The following CD58 variants were observed in gnomAD, a reference collection of about 807,000 sequenced individuals.
The protein encoded by CD58 is CD58 molecule, also known as lymphocyte function-associated antigen 3.
In CD58, 14 loss-of-function variants were observed where a neutral mutation model predicts 27.6. The observed-to-expected ratio is 0.51, with a 90% CI of 0.34 to 0.79. The LOEUF (loss-of-function observed/expected upper bound fraction) is 0.79. Ranked by LOEUF, CD58 falls within the 30% of genes least tolerant of loss-of-function variation. The probability of loss-of-function intolerance (pLI) is 0.02; values close to 1 mark genes in which losing one functional copy is unlikely to be tolerated. For missense variants in CD58, 268 were observed against 301.7 expected (o/e 0.89, Z 0.83); for synonymous variants, 117 against 103.8 (o/e 1.13, Z -0.77).
rs1659092245 is a variant in CD58 at position 116,570,189 on chromosome 1, G to A, written c.70+714C>T. ...GTGGAGGGTGAAGGAGGATGGGGAG[G>A]CAAAATGGGAAGAAGGGGACCTATT... On this transcript the variant is annotated intron_variant, in intron 1 of 5. Coordinates refer to ENST00000369489, the MANE Select transcript of CD58 (RefSeq NM_001779.3). The surrounding 1 kb of genome is among the most constrained non-coding windows in gnomAD (Gnocchi z 6.4). 6.6e-6 allele frequency among the ~76,000 whole-genome samples: 1 copy of A among 152,218 alleles called. No homozygotes were observed. Among genetic ancestry groups the A allele is most frequent in the African/African-American group, 2.4e-5 (1 of 41,460 alleles).
rs1196789204 is a variant in CD58, at chr1:116,517,866, C to T, written c.743+1365G>A. Among the ~76,000 whole-genome samples the T allele has an allele frequency of 1.3e-5, 2 of 152,208 alleles. No individual in the cohort carries two copies. The highest frequency in any genetic ancestry group is 2.4e-5 in the African/African-American group (1 of 41,468). ...AATACACCAGCACCCCAAAATCAAC[C>T]TGTCAAAGCAAAAATTCATAATTTT... On this transcript the variant is annotated intron_variant, in intron 5 of 5. Transcript: ENST00000369489. The surrounding 1 kb of genome is among the most constrained non-coding windows in gnomAD (Gnocchi z 6.5).
intron 1 of CD58, among the ~76,000 whole-genome samples, chr1:116,564,807 G>C (rs1415397765): frequency 6.6e-6 from 1 of 152,182 alleles, no homozygotes; most frequent in African/African-American, 2.4e-5. Flanking sequence ...ACCATATCAT[G>C]GGGTTTCAGC....
intron 4 of CD58, among the ~76,000 whole-genome samples, chr1:116,520,004 T>G (rs575077680): frequency 1.3e-5 from 2 of 152,342 alleles, no homozygotes; most frequent in East Asian, 3.9e-4. Flanking sequence ...CAACTACAAC[T>G]AGGCAGCTGG....
intron 1 of CD58, among the ~76,000 whole-genome samples, chr1:116,549,080 A>T (rs1359141308): frequency 6.6e-6 from 1 of 152,150 alleles, no homozygotes; most frequent in East Asian, 1.9e-4. Flanking sequence ...TCAGGATGGG[A>T]TTCATTTATT....
chr1:116,558,632 G>C, intron 1 of CD58, among the ~76,000 whole-genome samples: 1 of 152,218 alleles, frequency 6.6e-6, no homozygotes, highest in East Asian at 1.9e-4. Flanking sequence ...GTGCTTACCA[G>C]GCATGGAGAT....
In CD58 at chr1:116,546,500, A is replaced by C. The variant is rs1557839754; in HGVS notation, c.71-1896T>G. On this transcript the variant is annotated intron_variant, in intron 1 of 5. Transcript: ENST00000369489. The surrounding 1 kb of genome is among the most constrained non-coding windows in gnomAD (Gnocchi z 4.1). Reference sequence around the variant, plus strand: ...GAGTATGTGGGAAGGCACAAGAAAAAGTACAGAATTCAAGGGGTGAGAGTC... The same window carrying C: ...GAGTATGTGGGAAGGCACAAGAAAACGTACAGAATTCAAGGGGTGAGAGTC... Among the ~76,000 whole-genome samples, 1 of 152,240 alleles carries C rather than the reference A, an allele frequency of 6.6e-6. No homozygotes were observed. Among genetic ancestry groups the C allele is most frequent in the Admixed American group, 6.5e-5 (1 of 15,276 alleles).
chr1:116,535,016 T>C (rs1396526884), intron 3 of CD58, among the ~76,000 whole-genome samples: 1 of 152,232 alleles, frequency 6.6e-6, no homozygotes, highest in Admixed American at 6.5e-5. Context: ...TTTTCGTCTC[T>C]TTTATATTTT....
chr1:116,553,866 GGAGACT>G (rs1278742534), intron 1 of CD58, among the ~76,000 whole-genome samples: 1 of 152,054 alleles, frequency 6.6e-6, no homozygotes, highest in Non-Finnish European at 1.5e-5. Context: ...CACTGGCTAA[GGAGACT>G]GAGAGAGACC....
At chr1:116,558,867 A>G (rs1011905810) in intron 1 of CD58, among the ~76,000 whole-genome samples, 1 of 152,142 alleles carries the variant, frequency 6.6e-6, no homozygotes, top group Non-Finnish European at 1.5e-5. Flanking sequence ...CCTCAACTCA[A>G]CTCTGAGGTA....
At chr1:116,530,494 C>A (rs1024619601) in intron 3 of CD58, among the ~76,000 whole-genome samples, 3 of 152,120 alleles carry the variant, frequency 2.0e-5, no homozygotes, top group Non-Finnish European at 4.4e-5. Context: ...TGTGAGCCAC[C>A]GCACCCGGCT....
At chr1:116,545,582 T>G (rs957220015) in intron 1 of CD58, among the ~76,000 whole-genome samples, 2 of 152,134 alleles carry the variant, frequency 1.3e-5, no homozygotes, top group Admixed American at 6.5e-5. Context: ...CATCATTAAC[T>G]GAGATCAGAA....
rs754507340 is a variant in CD58, at chr1:116,517,541, C to A, written c.743+1690G>T. 6.6e-6 allele frequency among the ~76,000 whole-genome samples: 1 copy of A among 152,134 alleles called. No homozygotes were observed. Among genetic ancestry groups the A allele is most frequent in the Non-Finnish European group, 1.5e-5 (1 of 68,012 alleles). ...TCATCCCTGCACTGACCACAGCAAC[C>A]GACTCCACAAAACCAAAGGTCTTAA... is the stretch of plus-strand genomic sequence containing the variant. On this transcript the variant is annotated intron_variant, in intron 5 of 5. Transcript: ENST00000369489. This position sits in a 1 kb window ranked among gnomAD's most constrained non-coding sequence, Gnocchi z 6.5.
At chr1:116,562,512 T>A (rs1658788667) in intron 1 of CD58, among the ~76,000 whole-genome samples, 1 of 152,062 alleles carries the variant, frequency 6.6e-6, no homozygotes, top group Non-Finnish European at 1.5e-5. Flanking sequence ...ATGGGGTGTA[T>A]TAGTCCATTC....
chr1:116,550,106 A>G lies in CD58; in HGVS notation c.71-5502T>C, dbSNP rs1254599811. 2.0e-5 allele frequency among the ~76,000 whole-genome samples: 3 copies of G among 152,158 alleles called. No individual in the cohort carries two copies. The highest frequency in any genetic ancestry group is 1.9e-4 in the East Asian group (1 of 5,194). On this transcript the variant is annotated intron_variant, in intron 1 of 5. Transcript: ENST00000369489. The surrounding 1 kb of genome is among the most constrained non-coding windows in gnomAD (Gnocchi z 4.2). The stretch of plus-strand genomic sequence containing the variant: ...TTTGCTGGTGAAAGGTCTTGCCTCA[A>G]TGTTGATGGCTGCTGACTGATCAGG...
intron 1 of CD58, among the ~76,000 whole-genome samples, chr1:116,549,127 A>G (rs1258852338): frequency 6.6e-6 from 1 of 152,238 alleles, no homozygotes; most frequent in Non-Finnish European, 1.5e-5. Context: ...CATCTATTCT[A>G]TATAAGATCC....
chr1:116,554,089 C>G (rs932317742), intron 1 of CD58, among the ~76,000 whole-genome samples: 3 of 152,150 alleles, frequency 2.0e-5, no homozygotes, highest in African/African-American at 7.2e-5. Flanking sequence ...TCTAAAAGAA[C>G]CTGTAGTTTC....
At chr1:116,562,649 T>C (rs1031562282) in intron 1 of CD58, among the ~76,000 whole-genome samples, 1 of 152,226 alleles carries the variant, frequency 6.6e-6, no homozygotes, top group African/African-American at 2.4e-5. Context: ...AGAAGCAAAG[T>C]CATGTCTTAA....
chr1:116,560,233 C>A (rs554282877), intron 1 of CD58: 1 of 152,312 alleles, frequency 6.6e-6, no homozygotes, highest in South Asian at 2.1e-4. Flanking sequence ...TGTTTCAAGA[C>A]ACTCACATCC....
In CD58 at chr1:116,550,610, C is replaced by T. The variant is rs773887562; in HGVS notation, c.71-6006G>A. On this transcript the variant is annotated intron_variant, in intron 1 of 5. Transcript: ENST00000369489. This position sits in a 1 kb window ranked among gnomAD's most constrained non-coding sequence, Gnocchi z 4.2. ...TGTTAATATTGATATTTTGACCTGA[C>T]GATTGGAATCAAATTCTTCCAAACT... Among the ~76,000 whole-genome samples the T allele has an allele frequency of 5.3e-5, 8 of 151,946 alleles. No individual in the cohort carries two copies. The highest frequency in any genetic ancestry group is 7.3e-5 in the African/African-American group (3 of 41,350).
Sources: gnomAD v4.1 joint callset for allele counts (sites outside exome capture counted in the v4.1 genomes callset) on GRCh38, gnomAD v4.1.1 for gene constraint, Gnocchi (gnomAD v3.1) non-coding constraint, MANE v1.5 for transcripts, NCBI Gene and HGNC (gene_info 2026-07-23, HGNC 2026-07-21) for gene names.